Variants in SLC9A7 observed in about 807,000 individuals in gnomAD.
SLC9A7 encodes solute carrier family 9 member A7, also known as sodium/hydrogen exchanger 7.
SLC9A7 carries 19 observed loss-of-function variants against 52.6 expected under a neutral mutation model. The ratio of observed to expected loss-of-function variants is 0.36; its 90% CI spans 0.25 to 0.53. The LOEUF is 0.53. Ranked by LOEUF, SLC9A7 falls within the 20% of genes least tolerant of loss-of-function variation. The pLI, the probability that SLC9A7 is intolerant of heterozygous loss-of-function variation, is 0.91. For synonymous variants in SLC9A7, 226 were observed against 252.1 expected (o/e 0.90, Z 0.98); for missense variants, 455 against 597.9 (o/e 0.76, Z 2.49).
rs1458271025 is a variant in SLC9A7 at position 46,605,689 on chromosome X, T to C, written c.*1263A>G. 2 of 112,031 alleles carry C rather than the reference T, an allele frequency of 1.8e-5. No individual in the cohort carries two copies. Among genetic ancestry groups the C allele is most frequent in the African/African-American group, 6.5e-5 (2 of 30,781 alleles). 9.2% of individuals were successfully genotyped at this position (112,031 alleles called of 1,213,427 possible). A position where few individuals can be genotyped will look rare whatever the true frequency, so the allele number is the denominator to read the frequency against. ...ATTTCTTTGCAGTAATTTTTTTGCA[T>C]TGAGATTTCTTTCCCTCTGAATTCT... is the stretch of plus-strand genomic sequence containing the variant. On this transcript the variant is annotated 3_prime_UTR_variant, in exon 17 of 17. Transcript: ENST00000616978.
At chrX:46,736,661 C>A (rs1307462760) in intron 1 of SLC9A7, among the ~76,000 whole-genome samples, 1 of 111,076 alleles carries the variant, frequency 9.0e-6, no homozygotes, top group Non-Finnish European at 1.9e-5. Context: ...ATGCTCAGGG[C>A]CTCAGGAGCC....
At chrX:46,722,950 G>A (rs1944882771) in intron 1 of SLC9A7, among the ~76,000 whole-genome samples, 1 of 111,762 alleles carries the variant, frequency 8.9e-6, no homozygotes, top group African/African-American at 3.3e-5. Context: ...AACACAACTT[G>A]ATCAACCTAT....
At chrX:46,743,776 T>C (rs1231110310) in intron 1 of SLC9A7, among the ~76,000 whole-genome samples, 2 of 111,218 alleles carry the variant, frequency 1.8e-5, no homozygotes, top group African/African-American at 6.6e-5. Context: ...TCTGAATCTT[T>C]TCCTCAAATC....
At chrX:46,656,392 GAGA>G (rs1394584534) in intron 7 of SLC9A7, among the ~76,000 whole-genome samples, 8 of 113,450 alleles carry the variant, frequency 7.1e-5, no homozygotes, top group Non-Finnish European at 1.3e-4. Flanking sequence ...GATGAGCTGA[GAGA>G]AGAAGGCTTC....
chrX:46,631,685 CAG>C (rs1408314202), intron 13 of SLC9A7, 36 bp from the exon 14 acceptor site: 3 of 1,117,934 alleles, frequency 2.7e-6, no homozygotes, highest in Non-Finnish European at 3.7e-6. Context: ...AAGAGAAAAA[CAG>C]AGCGTATTAG....
At position 46,606,501 on chromosome X, in the gene SLC9A7, TC is replaced by T; in HGVS notation, c.*450del. 4 of 762,387 alleles carry T rather than the reference TC, an allele frequency of 5.2e-6. No individual in the cohort carries two copies. Among genetic ancestry groups the T allele is most frequent in the Non-Finnish European group, 6.2e-6 (4 of 644,419 alleles). The allele number at this position is 762,387 out of a possible 1,213,427, so 62.8% of individuals were successfully genotyped here. ...CCATTTAACACCAAGTTTCCCATAA[TC>T]CTTGGAGTTCCGATCTCAATTGCCT... On this transcript the variant is annotated 3_prime_UTR_variant, in exon 17 of 17. Coordinates refer to ENST00000616978, the MANE Select transcript of SLC9A7 (RefSeq NM_001257291.2).
intron 14 of SLC9A7, among the ~76,000 whole-genome samples, chrX:46,629,653 A>G (rs1327684917): frequency 1.8e-5 from 2 of 112,052 alleles, no homozygotes; most frequent in Non-Finnish European, 3.8e-5. Flanking sequence ...TCCAAATCTT[A>G]TGATCCAGCT....
intron 14 of SLC9A7, among the ~76,000 whole-genome samples, chrX:46,622,562 G>A (rs972725889): frequency 1.8e-5 from 2 of 111,282 alleles, no homozygotes; most frequent in Non-Finnish European, 3.8e-5. Context: ...GGCACAAAAC[G>A]AGTACCCCAA....
intron 16 of SLC9A7, among the ~76,000 whole-genome samples, chrX:46,612,701 G>C (rs1942872735): frequency 9.2e-6 from 1 of 109,143 alleles, no homozygotes; most frequent in Non-Finnish European, 1.9e-5. Context: ...GCCGAGGTGG[G>C]TGGATCACGA....
At chrX:46,674,406 T>C (rs1944076047) in intron 3 of SLC9A7, among the ~76,000 whole-genome samples, 1 of 112,536 alleles carries the variant, frequency 8.9e-6, no homozygotes, top group Non-Finnish European at 1.9e-5. Context: ...TTGTGTATTA[T>C]GTCTAGTACT....
intron 1 of SLC9A7, among the ~76,000 whole-genome samples, chrX:46,718,427 A>G (rs958587033): frequency 8.9e-6 from 1 of 112,208 alleles, no homozygotes; most frequent in Non-Finnish European, 1.9e-5. Flanking sequence ...CAATGGCAAC[A>G]AAAGCCAAAA....
intron 5 of SLC9A7, among the ~76,000 whole-genome samples, chrX:46,667,594 A>G (rs983007116): frequency 2.7e-5 from 3 of 112,073 alleles, no homozygotes; most frequent in African/African-American, 9.7e-5. Context: ...ATGGACTTGC[A>G]GATTATAGAA....
intron 1 of SLC9A7, among the ~76,000 whole-genome samples, chrX:46,682,980 T>TTTTTTTTTTTTTTTTTTC: frequency 1.0e-5 from 1 of 96,737 alleles, no homozygotes; most frequent in Non-Finnish European, 2.1e-5. Flanking sequence ...TTTTTTTTTT[T>TTTTTTTTTTTTTTTTTTC]TTGTATTTTT....
intron 7 of SLC9A7, among the ~76,000 whole-genome samples, chrX:46,654,831 A>G (rs936807972): frequency 9.0e-6 from 1 of 111,195 alleles, no homozygotes; most frequent in Admixed American, 9.6e-5. Context: ...TACGTCTCCA[A>G]GGCATCAAAA....
chrX:46,757,338 T>G (rs1922746249), intron 1 of SLC9A7, among the ~76,000 whole-genome samples: 1 of 112,110 alleles, frequency 8.9e-6, no homozygotes, highest in African/African-American at 3.2e-5. Context: ...CAAACTCGGT[T>G]TTAGACCTGG....
chrX:46,719,512 T>TAATAAATAA (rs1182830707), intron 1 of SLC9A7, among the ~76,000 whole-genome samples: 1 of 111,656 alleles, frequency 9.0e-6, no homozygotes, highest in African/African-American at 3.3e-5. Context: ...TATATGAGCA[T>TAATAAATAA]AATAAATAAA....
At chrX:46,751,760 G>C (rs1922250195) in intron 1 of SLC9A7, among the ~76,000 whole-genome samples, 1 of 110,932 alleles carries the variant, frequency 9.0e-6, no homozygotes. Flanking sequence ...CAGTGAGCTA[G>C]GATTACACCA....
chrX:46,619,772 G>C (rs1424243317), intron 15 of SLC9A7, among the ~76,000 whole-genome samples: 1 of 107,016 alleles, frequency 9.3e-6, no homozygotes, highest in Non-Finnish European at 1.9e-5. Context: ...CAAGTAGCTG[G>C]ACTACAGGTG....
chrX:46,673,247 T>C (rs1016476867), intron 3 of SLC9A7, among the ~76,000 whole-genome samples: 1 of 111,500 alleles, frequency 9.0e-6, no homozygotes, highest in African/African-American at 3.3e-5. Context: ...GCCAAGTTTA[T>C]ACAAGAAGAA....
Sources: allele counts gnomAD v4.1 joint callset (sites outside exome capture counted in the v4.1 genomes callset), GRCh38; gene constraint gnomAD v4.1.1; transcripts MANE v1.5; gene names NCBI Gene and HGNC (gene_info 2026-07-23, HGNC 2026-07-21).